KCNC2: variants seen among roughly 807,000 people sequenced by gnomAD.
KCNC2 encodes the protein voltage-gated potassium channel KCNC2.
Under a neutral mutation model 44.5 loss-of-function variants are expected in KCNC2, and 21 were observed. The observed-to-expected ratio is 0.47, with a 90% CI of 0.33 to 0.68. The LOEUF (loss-of-function observed/expected upper bound fraction) is 0.68. Ranked by LOEUF, KCNC2 falls within the 30% of genes least tolerant of loss-of-function variation. The probability of loss-of-function intolerance (pLI) is 0.01; values close to 1 mark genes in which losing one functional copy is unlikely to be tolerated. For missense variants in KCNC2, 589 were observed against 826.2 expected (o/e 0.71, Z 3.52); for synonymous variants, 391 against 339.1 (o/e 1.15, Z -1.68).
chr12:75,042,277 T>C lies in KCNC2; in HGVS notation c.*828A>G. ...AAACAATGCAAGCCTGGCTGGCAGT[T>C]ACCTTTCTCTCATGTTTTGTGCCTT... On this transcript the variant is annotated 3_prime_UTR_variant, in exon 5 of 5. Coordinates refer to ENST00000549446, the MANE Select transcript of KCNC2 (RefSeq NM_139137.4). 1 of 1,609,358 alleles carries C rather than the reference T, an allele frequency of 6.2e-7. No individual in the cohort carries two copies.
chr12:75,123,173 G>A (rs1422648226), intron 2 of KCNC2, among the ~76,000 whole-genome samples: 1 of 151,992 alleles, frequency 6.6e-6, no homozygotes, highest in Non-Finnish European at 1.5e-5. Flanking sequence ...TTAAGTTTCA[G>A]CTTCAAAATC....
intron 2 of KCNC2, among the ~76,000 whole-genome samples, chr12:75,197,540 A>G (rs184385525): frequency 6.6e-6 from 1 of 152,176 alleles, no homozygotes; most frequent in East Asian, 1.9e-4. Flanking sequence ...GTGAATTTAT[A>G]GTTCTTCTTT....
At chr12:75,139,571 A>G (rs1317716578) in intron 2 of KCNC2, among the ~76,000 whole-genome samples, 1 of 152,210 alleles carries the variant, frequency 6.6e-6, no homozygotes. Flanking sequence ...ATATCCATAA[A>G]TATTACCCTG....
At chr12:75,168,939 G>C (rs1891634692) in intron 2 of KCNC2, among the ~76,000 whole-genome samples, 1 of 151,504 alleles carries the variant, frequency 6.6e-6, no homozygotes, top group African/African-American at 2.4e-5. Context: ...TTGCTCACAA[G>C]TACAATCCAA....
chr12:75,060,866 G>A (rs1565819238), intron 2 of KCNC2, among the ~76,000 whole-genome samples: 1 of 152,020 alleles, frequency 6.6e-6, no homozygotes, highest in Non-Finnish European at 1.5e-5. Flanking sequence ...CATGTACCAG[G>A]CTATTTAATG....
intron 2 of KCNC2, among the ~76,000 whole-genome samples, chr12:75,200,444 G>A (rs542577954): frequency 2.8e-4 from 43 of 151,506 alleles, no homozygotes; most frequent in Non-Finnish European, 5.8e-4. Context: ...TATATATTTT[G>A]GACACATATA....
chr12:75,158,666 T>C (rs1407914429), intron 2 of KCNC2, among the ~76,000 whole-genome samples: 5 of 151,884 alleles, frequency 3.3e-5, no homozygotes, highest in Non-Finnish European at 7.4e-5. Context: ...ATAACAAGGC[T>C]TCATCCAACA....
In KCNC2 at chr12:75,096,292, A is replaced by G. The variant is rs1051193714; in HGVS notation, c.688-44975T>C. Among the ~76,000 whole-genome samples, 19 of 152,098 alleles carry G rather than the reference A, an allele frequency of 1.2e-4. 1 individual carries two copies. The highest frequency in any genetic ancestry group is 6.8e-3 in the Middle Eastern group (2 of 294). On this transcript the variant is annotated intron_variant, in intron 2 of 4. Transcript: ENST00000549446. ...CGAATGAACTAGATGAATGTCTTCC[A>G]TTGTGTTCCAGAAACTCTTGATTTT... is the stretch of plus-strand genomic sequence containing the variant.
intron 2 of KCNC2, among the ~76,000 whole-genome samples, chr12:75,097,155 GCTACATA>G (rs1565851352): frequency 6.6e-6 from 1 of 152,032 alleles, no homozygotes; most frequent in Admixed American, 6.6e-5. Context: ...ATCCAAAAAG[GCTACATA>G]CTGTATGACC....
chr12:75,112,426 C>A (rs964635122), intron 2 of KCNC2, among the ~76,000 whole-genome samples: 6 of 151,936 alleles, frequency 3.9e-5, no homozygotes, highest in Admixed American at 1.3e-4. Context: ...TTTCTTAACT[C>A]TTCCTACAAT....
intron 4 of KCNC2, among the ~76,000 whole-genome samples, chr12:75,045,978 A>G (rs930890273): frequency 2.0e-5 from 3 of 151,828 alleles, no homozygotes; most frequent in Non-Finnish European, 4.4e-5. Context: ...ATGAATAGAA[A>G]TAACAGCAGA....
At chr12:75,107,675 C>T (rs1389262883) in intron 2 of KCNC2, among the ~76,000 whole-genome samples, 3 of 150,712 alleles carry the variant, frequency 2.0e-5, no homozygotes, top group South Asian at 2.1e-4. Flanking sequence ...CGAGTTTAAA[C>T]GTCAAAAGAG....
chr12:75,200,626 C>T (rs1292617013), intron 2 of KCNC2, among the ~76,000 whole-genome samples: 2 of 150,756 alleles, frequency 1.3e-5, no homozygotes, highest in Middle Eastern at 3.2e-3. Context: ...ATACATATAC[C>T]CTAAAAATAG....
intron 2 of KCNC2, among the ~76,000 whole-genome samples, chr12:75,091,649 A>C (rs1432868888): frequency 6.6e-6 from 1 of 151,626 alleles, no homozygotes; most frequent in East Asian, 1.9e-4. Flanking sequence ...TTTATTTTTT[A>C]AAAAATCAGT....
chr12:75,179,891 T>C (rs1228185395), intron 2 of KCNC2, among the ~76,000 whole-genome samples: 1 of 151,744 alleles, frequency 6.6e-6, no homozygotes, highest in African/African-American at 2.4e-5. Flanking sequence ...CAACTTAGCA[T>C]TCCGTACAAT....
chr12:75,120,631 T>C (rs995665260), intron 2 of KCNC2, among the ~76,000 whole-genome samples: 1 of 152,136 alleles, frequency 6.6e-6, no homozygotes, highest in Admixed American at 6.5e-5. Context: ...CTAAAATTGA[T>C]GGAAGACTCT....
chr12:75,146,870 G>T (rs897919715), intron 2 of KCNC2, among the ~76,000 whole-genome samples: 2 of 152,132 alleles, frequency 1.3e-5, no homozygotes, highest in African/African-American at 4.8e-5. Flanking sequence ...GATTCCCGAG[G>T]AAACACTTTT....
chr12:75,125,727 A>T (rs1166336113), intron 2 of KCNC2, among the ~76,000 whole-genome samples: 1 of 152,212 alleles, frequency 6.6e-6, no homozygotes, highest in African/African-American at 2.4e-5. Context: ...TTTCATGGTC[A>T]TTGCCAATTT....
chr12:75,093,565 T>C (rs555771433), intron 2 of KCNC2, among the ~76,000 whole-genome samples: 1 of 151,694 alleles, frequency 6.6e-6, no homozygotes, highest in Non-Finnish European at 1.5e-5. Context: ...TCTAGCGGTA[T>C]TAATCACAAC....
Sources: gnomAD v4.1 joint callset for allele counts (sites outside exome capture counted in the v4.1 genomes callset) on GRCh38, gnomAD v4.1.1 for gene constraint, MANE v1.5 for transcripts, NCBI Gene and HGNC (gene_info 2026-07-23, HGNC 2026-07-21) for gene names.